MAN2B1: variants seen among roughly 807,000 people sequenced by gnomAD.
MAN2B1 encodes the protein mannosidase alpha class 2B member 1, also known as lysosomal alpha-mannosidase.
A neutral mutation model predicts 127.5 loss-of-function variants in MAN2B1; 99 were observed. That is an observed-to-expected ratio of 0.78 (90% CI 0.66 to 0.92). The LOEUF (loss-of-function observed/expected upper bound fraction) is 0.92. Ranked by LOEUF, MAN2B1 falls within the 40% of genes least tolerant of loss-of-function variation. MAN2B1 has a pLI of 0.00. For synonymous variants in MAN2B1, 573 were observed against 568.8 expected (o/e 1.01, Z -0.11); for missense variants, 1,304 against 1,384.8 (o/e 0.94, Z 0.93).
intron 7 of MAN2B1, chr19:12,660,785 GTCTT>G (rs1275280736): frequency 7.8e-6 from 1 of 127,790 alleles, no homozygotes; most frequent in Non-Finnish European, 1.6e-5. Flanking sequence ...TTGAGACAGA[GTCTT>G]TCTCTGTGGC....
rs766559062 is a variant in MAN2B1 at position 12,646,729 on chromosome 19, G to A, written c.2927C>T (p.Pro976Leu). The change falls in exon 24 of 24, where the codon CCC becomes CTC. Residue 976 changes from proline (P) to leucine (L), a missense_variant. By Grantham distance (98) the Pro-to-Leu change is moderately conservative. Coordinates refer to ENST00000456935, the MANE Select transcript of MAN2B1 (RefSeq NM_000528.4). ...CTGGTACGGAGTTTGGTGGGGTGTGGGGCCTGGAGAGGTGCAGGGGGAAGG... is the reference window on the plus strand; with the variant it reads ...CTGGTACGGAGTTTGGTGGGGTGTGAGGCCTGGAGAGGTGCAGGGGGAAGG... ...SRLKWTTNTG[P>L]TPHQTPYQLD... 6.2e-7 allele frequency: 1 copy of A among 1,611,396 alleles called. No homozygotes were observed. The highest frequency in any genetic ancestry group is 1.3e-5 in the African/African-American group (1 of 74,800).
chr19:12,664,224 A>AAAAAAC (rs1180886190), intron 4 of MAN2B1, among the ~76,000 whole-genome samples: 1 of 152,164 alleles, frequency 6.6e-6, no homozygotes, highest in Non-Finnish European at 1.5e-5. Context: ...ACCCTGTCTC[A>AAAAAAC]AAAAACAAAA....
At chr19:12,656,449 G>A (rs142687027) in intron 13 of MAN2B1, 122 bp downstream of exon 13, 7 of 735,712 alleles carry the variant, frequency 9.5e-6, no homozygotes, top group South Asian at 6.1e-5. Context: ...GATACAAGAG[G>A]GGGGAAGAGA....
intron 21 of MAN2B1, 95 bp downstream of exon 21, chr19:12,648,080 A>G (rs1311104362): frequency 7.7e-7 from 1 of 1,296,620 alleles, no homozygotes; most frequent in African/African-American, 1.5e-5. Context: ...TTATGGCCAA[A>G]TGGATCCCCG....
rs766228737 is a variant in MAN2B1 at position 12,656,951 on chromosome 19, G to A, written c.1525C>T (p.Arg509Cys). 6.8e-6 allele frequency: 11 copies of A among 1,612,364 alleles called. No individual in the cohort carries two copies. The highest frequency in any genetic ancestry group is 1.6e-4 in the Middle Eastern group (1 of 6,084). ...CCACCCCTCCCGTCCCGGCTCACGC[G>A]CGCCGCCGTCTGGCTGAGCGGGCAG... is the stretch of plus-strand genomic sequence containing the variant. ...SICPLSQTAARFQVIVYNPLG... is the reference protein window; with the variant it reads ...SICPLSQTAACFQVIVYNPLG... The change falls in exon 12 of 24, where the codon CGC (arginine) becomes TGC (cysteine). Residue 509 changes from arginine (R) to cysteine (C), a missense_variant and splice_region_variant. Physicochemically the swap from Arg to Cys is radical, Grantham distance 180 (BLOSUM62 -3). Coordinates refer to ENST00000456935, the MANE Select transcript of MAN2B1 (RefSeq NM_000528.4).
chr19:12,650,294 C>T, intron 16 of MAN2B1, 72 bp from the exon 17 acceptor site: 1 of 949,138 alleles, frequency 1.1e-6, no homozygotes, highest in East Asian at 2.4e-5. Context: ...TGTCCCCCAA[C>T]CCTGGCCATA....
At chr19:12,663,279 T>C (rs1455799955) in intron 6 of MAN2B1, 38 bp downstream of exon 6, 12 of 1,612,644 alleles carry the variant, frequency 7.4e-6, no homozygotes, top group African/African-American at 1.3e-5. Context: ...CATTGTATTG[T>C]ATATACCGGA....
chr19:12,660,395 G>A (rs1234222419), intron 7 of MAN2B1, among the ~76,000 whole-genome samples: 2 of 152,150 alleles, frequency 1.3e-5, no homozygotes, highest in Non-Finnish European at 2.9e-5. Flanking sequence ...CCAGCTACTT[G>A]GGAGGCTGAG....
At chr19:12,661,446 G>A (rs2024104354) in intron 6 of MAN2B1, 70 bp from the exon 7 acceptor site, 2 of 1,038,678 alleles carry the variant, frequency 1.9e-6, no homozygotes, top group East Asian at 2.4e-5. Context: ...GTGTTTTGAT[G>A]TATATGGGGT....
In MAN2B1 at chr19:12,649,195, C is replaced by G. The variant is rs777253267; in HGVS notation, c.2377G>C (p.Val793Leu). ...YITDGNMQLT[V>L]LTDRSQGGSS... is the part of the protein sequence containing the mutation. ...CCCCCCTGGGAGCGGTCAGTCAGCA[C>G]AGTCAGCTGCATGTTTCCATCCTGG... Residue 793 changes from valine (V) to leucine (L), a missense_variant, in exon 20 of 24, where the codon GTG becomes CTG. Val to Leu is a conservative substitution (Grantham distance 32). Transcript: ENST00000456935. The G allele has an allele frequency of 6.2e-7, 1 of 1,613,354 alleles. No homozygotes were observed. The highest frequency in any genetic ancestry group is 8.5e-7 in the Non-Finnish European group (1 of 1,180,008).
intron 7 of MAN2B1, chr19:12,661,050 C>G (rs1251031417): frequency 6.0e-6 from 3 of 495,876 alleles, no homozygotes; most frequent in Non-Finnish European, 1.1e-5. Flanking sequence ...AGCCATTGCG[C>G]CCGGCCTCAT....
rs1347363395 is a variant in MAN2B1, at chr19:12,655,685, G to C, written c.1830+9C>G. On this transcript the variant is annotated intron_variant, in intron 14 of 23. Transcript: ENST00000456935. ...AGGAGCAGGAAAGGGGATTGAAATG[G>C]GGTCTCACCTCATTTTCGATGGTTA... The C allele has an allele frequency of 6.2e-7, 1 of 1,606,596 alleles. No homozygotes were observed.
At chr19:12,663,622 G>A (rs897128225) in intron 5 of MAN2B1, 81 bp downstream of exon 5, 1 of 1,548,916 alleles carries the variant, frequency 6.5e-7, no homozygotes. Flanking sequence ...CCAGGACAGT[G>A]ACAACAGAGC....
At position 12,657,534 on chromosome 19, in the gene MAN2B1, T is replaced by G; in HGVS notation, c.1331A>C (p.Gln444Pro). The G allele has an allele frequency of 6.4e-7, 1 of 1,565,618 alleles. No homozygotes were observed. The highest frequency in any genetic ancestry group is 8.7e-7 in the Non-Finnish European group (1 of 1,155,394). The change falls in exon 11 of 24, where the codon CAG (glutamine) becomes CCG (proline). Residue 444 changes from glutamine to proline, a missense_variant. By Grantham distance (76) the Gln-to-Pro change is moderately conservative. Transcript: ENST00000456935. ...GGTGCCGCTGACGGCGTCGTGATGCTGGAGCACAGCCATCGCCTCATCTGC... is the reference window on the plus strand; with the variant it reads ...GGTGCCGCTGACGGCGTCGTGATGCGGGAGCACAGCCATCGCCTCATCTGC... ...APLNEAMAVL[Q>P]HHDAVSGTSR...
chr19:12,652,204 G>C lies in MAN2B1; in HGVS notation c.1995C>G (p.Asn665Lys), dbSNP rs1403463406. 1 of 1,614,070 alleles carries C rather than the reference G, an allele frequency of 6.2e-7. No homozygotes were observed. The stretch of plus-strand genomic sequence containing the variant: ...GGCTCACAGGCAGCGGTTTCTGTTG[G>C]TTGGGTCTGAAGATGTAGGCACCTG... ...QASGAYIFRPNQQKPLPVSRW... is the reference protein window; with the variant it reads ...QASGAYIFRPKQQKPLPVSRW... Residue 665 changes from asparagine (N) to lysine (K), a missense_variant, in exon 16 of 24, where the codon AAC becomes AAG. Transcript: ENST00000456935.
intron 6 of MAN2B1, 51 bp downstream of exon 6, chr19:12,663,266 G>A (rs771963115): frequency 5.0e-6 from 8 of 1,604,252 alleles, no homozygotes; most frequent in South Asian, 4.4e-5. Flanking sequence ...CATGGAAAGA[G>A]CTCATTGTAT....
rs943987148 is a variant in MAN2B1 at position 12,657,733 on chromosome 19, C to A, written c.1310-178G>T. ...CAGCACTTTGAGAGACCGAGGCGGG[C>A]GGATCACGAGGTCAGATCGAGACCA... On this transcript the variant is annotated intron_variant, in intron 10 of 23. Coordinates refer to ENST00000456935, the MANE Select transcript of MAN2B1 (RefSeq NM_000528.4). 4.2e-5 allele frequency: 28 copies of A among 661,708 alleles called. No homozygotes were observed. In the East Asian group the frequency reaches 7.1e-4, roughly 17 times the overall value. The allele number at this position is 661,708 out of a possible 1,614,324, so 41.0% of individuals were successfully genotyped here. A position where few individuals can be genotyped will look rare whatever the true frequency, so the allele number is the denominator to read the frequency against.
intron 14 of MAN2B1, among the ~76,000 whole-genome samples, chr19:12,653,035 T>G (rs367911603): frequency 6.6e-6 from 1 of 151,078 alleles, no homozygotes; most frequent in African/African-American, 2.4e-5. Context: ...GGTTTCGCCA[T>G]GTTGGTCAGG....
chr19:12,654,995 T>A (rs1308265551), intron 14 of MAN2B1, among the ~76,000 whole-genome samples: 1 of 152,012 alleles, frequency 6.6e-6, no homozygotes, highest in Non-Finnish European at 1.5e-5. Flanking sequence ...TCAGACAGGG[T>A]TTCACTCTGT....
Sources: gnomAD v4.1 joint callset for allele counts (sites outside exome capture counted in the v4.1 genomes callset) on GRCh38, gnomAD v4.1.1 for gene constraint, MANE v1.5 for transcripts, NCBI Gene and HGNC (gene_info 2026-07-23, HGNC 2026-07-21) for gene names.